The following CSPG4 variants were observed in gnomAD, a reference collection of about 807,000 sequenced individuals.
CSPG4 encodes chondroitin sulfate proteoglycan 4 (melanoma-associated).
Under a neutral mutation model 139.3 loss-of-function variants are expected in CSPG4, and 74 were observed. That is an observed-to-expected ratio of 0.53 (90% CI 0.44 to 0.64). The LOEUF (loss-of-function observed/expected upper bound fraction) is 0.64. CSPG4 is among the 30% of genes least tolerant of loss of function. The probability of loss-of-function intolerance (pLI) is 0.00; values close to 1 mark genes in which losing one functional copy is unlikely to be tolerated. For missense variants in CSPG4, 2,565 were observed against 3,148.3 expected (o/e 0.81, Z 4.43); for synonymous variants, 1,234 against 1,394.2 (o/e 0.89, Z 2.56).
rs1185081245 is a variant in CSPG4 at position 75,687,080 on chromosome 15, G to C, written c.3789+196C>G. 1.3e-5 allele frequency among the ~76,000 whole-genome samples: 2 copies of C among 152,046 alleles called. No homozygotes were observed. The highest frequency in any genetic ancestry group is 6.5e-5 in the Admixed American group (1 of 15,268). ...CCTCTGGAGGCGCACACAACTCCCAGGAGGATGGGTGTATAGCAAGCTCCC... is the reference window on the plus strand; with the variant it reads ...CCTCTGGAGGCGCACACAACTCCCACGAGGATGGGTGTATAGCAAGCTCCC... On this transcript the variant is annotated intron_variant, in intron 3 of 9. Transcript: ENST00000308508. The surrounding 1 kb of genome is among the most constrained non-coding windows in gnomAD (Gnocchi z 5.4).
At chr15:75,703,991 G>A (rs1461007004) in intron 1 of CSPG4, among the ~76,000 whole-genome samples, 1 of 93,910 alleles carries the variant, frequency 1.1e-5, no homozygotes, top group South Asian at 2.8e-4. Flanking sequence ...TGGGAGCCGG[G>A]GGTGGAGAGG....
At position 75,712,833 on chromosome 15, in the gene CSPG4, C is replaced by T. The variant is rs1486503481; in HGVS notation, c.-78G>A. On this transcript the variant is annotated 5_prime_UTR_variant, in exon 1 of 10. Coordinates refer to ENST00000308508, the MANE Select transcript of CSPG4 (RefSeq NM_001897.5). The stretch of plus-strand genomic sequence containing the variant: ...TGGGAGCTGAGTGGAGCGAGCGCGG[C>T]TCTGCTCCTGGGCGCGGGCCGGCTC... 9 of 1,294,846 alleles carry T rather than the reference C, an allele frequency of 7.0e-6. No homozygotes were observed. The highest frequency in any genetic ancestry group is 2.9e-5 in the East Asian group (1 of 34,184). The allele number at this position is 1,294,846 out of a possible 1,614,324, so 80.2% of individuals were successfully genotyped here.
chr15:75,684,879 C>T lies in CSPG4; in HGVS notation c.4306G>A (p.Gly1436Arg), dbSNP rs758780034. ...AAACTGTCTGTCAGTGTCTCGCTCC[C>T]GTCATGCACGTAGCGGATCAGCTGC... ...EEQLIRYVHD[G>R]SETLTDSFVL... Residue 1436 changes from glycine to arginine, a missense_variant, in exon 5 of 10, where the codon GGG becomes AGG. Coordinates refer to ENST00000308508, the MANE Select transcript of CSPG4 (RefSeq NM_001897.5). 9.9e-6 allele frequency: 16 copies of T among 1,612,394 alleles called. No individual in the cohort carries two copies. The highest frequency in any genetic ancestry group is 1.7e-5 in the Admixed American group (1 of 59,980).
At position 75,677,797 on chromosome 15, in the gene CSPG4, C is replaced by T. The variant is rs753424806; in HGVS notation, c.5040G>A (p.Ser1680=). 37 of 1,611,654 alleles carry T rather than the reference C, an allele frequency of 2.3e-5. No homozygotes were observed. The highest frequency in any genetic ancestry group is 2.2e-5 in the East Asian group (1 of 44,702). ...TGGCGGCCACGTCCCGGGCAGGCGGCGAGGACAGCTGGAGCTCTAGGGTAT... is the reference window on the plus strand; with the variant it reads ...TGGCGGCCACGTCCCGGGCAGGCGGTGAGGACAGCTGGAGCTCTAGGGTAT... The part of the protein sequence containing the change: ...AHDTLELQLS[S]PPARDVAATL... Residue 1680 remains serine (S), a synonymous_variant, in exon 9 of 10, where the codon TCG becomes TCA. Transcript: ENST00000308508.
chr15:75,683,082 C>T lies in CSPG4; in HGVS notation c.4450-41G>A, dbSNP rs774875668. The T allele has an allele frequency of 1.9e-6, 3 of 1,577,534 alleles. No homozygotes were observed. In the South Asian group the frequency reaches 3.4e-5, roughly 18 times the overall value. ...TGTGAAGGTTCTGCCTTGCCGCACTCACCCACCCCTTCCTCCCCGGCCCTG... is the reference window on the plus strand; with the variant it reads ...TGTGAAGGTTCTGCCTTGCCGCACTTACCCACCCCTTCCTCCCCGGCCCTG... On this transcript the variant is annotated intron_variant, in intron 5 of 9. Transcript: ENST00000308508.
chr15:75,693,093 G>C lies in CSPG4; in HGVS notation c.229C>G (p.Gln77Glu). 1 of 1,530,050 alleles carries C rather than the reference G, an allele frequency of 6.5e-7. No homozygotes were observed. 94.8% of individuals were successfully genotyped at this position (1,530,050 alleles called of 1,614,324 possible). Residue 77 changes from glutamine to glutamate, a missense_variant, in exon 2 of 10, where the codon CAG (glutamine) becomes GAG (glutamate). Transcript: ENST00000308508. ...ACCTGCAGGCGTCCAGAGTAGAGCT[G>C]CAGCAGGAGGTGGTCAGCTGGGCCT... ...AAGPADHLLL[Q>E]LYSGRLQVRL...
rs550994228 is a variant in CSPG4, at chr15:75,684,726, A to C, written c.4449+10T>G. On this transcript the variant is annotated intron_variant, in intron 5 of 9. Coordinates refer to ENST00000308508, the MANE Select transcript of CSPG4 (RefSeq NM_001897.5). ...AGCAGACATGGGGGTGTTCCCAGGG[A>C]TGCTCTCACCTGCAGGCCTGTGTTT... The C allele has an allele frequency of 6.2e-7, 1 of 1,607,834 alleles. No homozygotes were observed. Among genetic ancestry groups the C allele is most frequent in the Non-Finnish European group, 8.5e-7 (1 of 1,174,996 alleles).
rs1422912139 is a variant in CSPG4 at position 75,690,393 on chromosome 15, T to A, written c.672A>T (p.Gly224=). The stretch of plus-strand genomic sequence containing the variant: ...GTGTGGTGAGTGTAAACTCTAGGGT[T>A]CCTTCGTCCTGAGTGCCCCAGGCAG... ...AFPAWGTQDE[G]TLEFTLTTQS... is the part of the protein sequence containing the mutation. Residue 224 remains glycine (G), a synonymous_variant, in exon 3 of 10, where the codon GGA becomes GGT. Transcript: ENST00000308508. 5.6e-6 allele frequency: 9 copies of A among 1,609,706 alleles called. No homozygotes were observed. Among genetic ancestry groups the A allele is most frequent in the Non-Finnish European group, 7.6e-6 (9 of 1,178,624 alleles).
rs1207430256 is a variant in CSPG4 at position 75,688,072 on chromosome 15, A to G, written c.2993T>C (p.Met998Thr). 2.5e-6 allele frequency: 4 copies of G among 1,612,810 alleles called. No individual in the cohort carries two copies. The highest frequency in any genetic ancestry group is 1.1e-5 in the South Asian group (1 of 91,056). ...GACACCCCGTACCTCCTCCCAGGCC[A>G]TGTCACCACTGCTCTCGCCCTGGCG... The part of the protein sequence containing the change: ...ATRQGESSGD[M>T]AWEEVRGVFR... Residue 998 changes from methionine to threonine, a missense_variant, in exon 3 of 10, where the codon ATG becomes ACG. This residue lies in a region of CSPG4 where 2,316 missense variants were observed against 2,818.2 expected (regional missense o/e 0.82). Coordinates refer to ENST00000308508, the MANE Select transcript of CSPG4 (RefSeq NM_001897.5).
At chr15:75,706,660 C>A (rs1213804337) in intron 1 of CSPG4, among the ~76,000 whole-genome samples, 5 of 151,942 alleles carry the variant, frequency 3.3e-5, no homozygotes, top group Admixed American at 1.3e-4. Flanking sequence ...TGGAGCTGAG[C>A]CTTGGAGGAT....
intron 1 of CSPG4, among the ~76,000 whole-genome samples, chr15:75,711,822 A>G (rs1894450404): frequency 6.6e-6 from 1 of 152,218 alleles, no homozygotes; most frequent in South Asian, 2.1e-4. Context: ...CCTTCGCTGA[A>G]GGAAGAATGC....
In CSPG4 at chr15:75,675,818, A is replaced by AG; in HGVS notation, c.6700dup (p.Leu2234ProfsTer23). The AG allele has an allele frequency of 6.2e-7, 1 of 1,613,170 alleles. No homozygotes were observed. Among genetic ancestry groups the AG allele is most frequent in the Non-Finnish European group, 8.5e-7 (1 of 1,180,006 alleles). ...CAGGGGCAGGATGAGCGCCAGGAGC[A>AG]GAAGTACCAGGCACATGGGGATGAT... On this transcript the variant is annotated frameshift_variant, in exon 10 of 10. Transcript: ENST00000308508. LOFTEE classifies it high-confidence loss of function.
rs1412764416 is a variant in CSPG4 at position 75,675,467 on chromosome 15, AGCACCAG to A, written c.*76_*82del. On this transcript the variant is annotated 3_prime_UTR_variant, in exon 10 of 10. Transcript: ENST00000308508. ...TCTCTTGCTCTGGGGATACTCAGAC[AGCACCAG>A]GCATGGAAGCAATGGGGCCCGGGAC... is the stretch of plus-strand genomic sequence containing the variant. 81 of 1,364,582 alleles carry A rather than the reference AGCACCAG, an allele frequency of 5.9e-5. No homozygotes were observed. The highest frequency in any genetic ancestry group is 7.7e-5 in the Non-Finnish European group (80 of 1,045,556). 84.5% of individuals were successfully genotyped at this position (1,364,582 alleles called of 1,614,324 possible). A position where few individuals can be genotyped will look rare whatever the true frequency, so the allele number is the denominator to read the frequency against.
rs1013532529 is a variant in CSPG4, at chr15:75,682,475, G to A, written c.4784-16C>T. 1 of 1,572,772 alleles carries A rather than the reference G, an allele frequency of 6.4e-7. No individual in the cohort carries two copies. The highest frequency in any genetic ancestry group is 1.7e-5 in the Admixed American group (1 of 58,294). On this transcript the variant is annotated splice_polypyrimidine_tract_variant and intron_variant, in intron 7 of 9. Transcript: ENST00000308508. ...TGGACGGACCCTGCCAGAGGCAAAA[G>A]GGGATATCAGATTTTGACTGGGAGC...
At chr15:75,706,113 G>A (rs1043725105) in intron 1 of CSPG4, among the ~76,000 whole-genome samples, 2 of 152,218 alleles carry the variant, frequency 1.3e-5, no homozygotes, top group African/African-American at 4.8e-5. Flanking sequence ...GGAGAAGCGG[G>A]TGTCGTGGGA....
Position 75,677,400 on chromosome 15 carries a change from A to G in CSPG4, c.5135-16T>C. 1 of 1,398,396 alleles carries G rather than the reference A, an allele frequency of 7.2e-7. No individual in the cohort carries two copies. Among genetic ancestry groups the G allele is most frequent in the Non-Finnish European group, 9.3e-7 (1 of 1,073,746 alleles). 86.6% of individuals were successfully genotyped at this position (1,398,396 alleles called of 1,614,324 possible). A position where few individuals can be genotyped will look rare whatever the true frequency, so the allele number is the denominator to read the frequency against. On this transcript the variant is annotated splice_polypyrimidine_tract_variant and intron_variant, in intron 9 of 9. Transcript: ENST00000308508. ...ACCCAGAGACCTGGGGGTGGGACAT[A>G]GGCTATGAGGGTCCAGCCCACTGAG...
intron 1 of CSPG4, among the ~76,000 whole-genome samples, chr15:75,694,719 G>T (rs1229857958): frequency 6.6e-6 from 1 of 152,234 alleles, no homozygotes. Context: ...CAGCACTGCT[G>T]GCAATACCAG....
At chr15:75,711,723 C>T (rs908050213) in intron 1 of CSPG4, among the ~76,000 whole-genome samples, 2 of 152,168 alleles carry the variant, frequency 1.3e-5, no homozygotes, top group African/African-American at 2.4e-5. Context: ...GGAATGATCT[C>T]GAAGGTGTAG....
In CSPG4 at chr15:75,675,652, C is replaced by T. The variant is rs144719140; in HGVS notation, c.6867G>A (p.Val2289=). The change falls in exon 10 of 10, where the codon GTG becomes GTA. Residue 2289 remains valine (V), a synonymous_variant. Coordinates refer to ENST00000308508, the MANE Select transcript of CSPG4 (RefSeq NM_001897.5). The stretch of plus-strand genomic sequence containing the variant: ...CTCCTGGAGGGGGCCCCTGGCCAGG[C>T]ACAGCTGTGAGCGGGATGGCCTGGC... ...EPGQAIPLTA[V]PGQGPPPGGQ... 4.2e-5 allele frequency: 64 copies of T among 1,528,696 alleles called. No homozygotes were observed. In the Middle Eastern group the frequency reaches 8.9e-4, roughly 21 times the overall value. The allele number at this position is 1,528,696 out of a possible 1,614,324, so 94.7% of individuals were successfully genotyped here. A position where few individuals can be genotyped will look rare whatever the true frequency, so the allele number is the denominator to read the frequency against.
Sources: allele counts gnomAD v4.1 joint callset (sites outside exome capture counted in the v4.1 genomes callset), GRCh38; gene constraint gnomAD v4.1.1; regional missense constraint gnomAD v4.1.1; non-coding constraint Gnocchi (gnomAD v3.1); transcripts MANE v1.5; gene names NCBI Gene and HGNC (gene_info 2026-07-23, HGNC 2026-07-21).